Variants in RGL3 observed in about 807,000 individuals in gnomAD.
RGL3 encodes ral guanine nucleotide dissociation stimulator-like 3.
In RGL3, 85 loss-of-function variants were observed where a neutral mutation model predicts 90.6. The ratio of observed to expected loss-of-function variants is 0.94; its 90% CI spans 0.79 to 1.12. RGL3 has a LOEUF of 1.12. Among genes scored for constraint, RGL3 ranks in the 50% most tolerant of loss-of-function variants. The pLI is 0.00. For synonymous variants in RGL3, 408 were observed against 385.5 expected (o/e 1.06, Z -0.68); for missense variants, 1,034 against 939.2 (o/e 1.10, Z -1.32).
At chr19:11,395,063 A>G (rs1312401534) in intron 18 of RGL3, among the ~76,000 whole-genome samples, 1 of 151,372 alleles carries the variant, frequency 6.6e-6, no homozygotes, top group Non-Finnish European at 1.5e-5. Context: ...ATTGCACTCC[A>G]GCCTGGGCAA....
intron 5 of RGL3, among the ~76,000 whole-genome samples, chr19:11,413,158 C>G (rs903621610): frequency 6.7e-6 from 1 of 148,294 alleles, no homozygotes; most frequent in South Asian, 2.1e-4. Context: ...AGTGTGGTGG[C>G]TGAGCACTCA....
In RGL3 at chr19:11,405,176, G is replaced by A; in HGVS notation, c.1156C>T (p.His386Tyr). The A allele has an allele frequency of 6.2e-7, 1 of 1,614,002 alleles. No individual in the cohort carries two copies. The highest frequency in any genetic ancestry group is 1.3e-5 in the African/African-American group (1 of 75,040). Residue 386 changes from histidine (H) to tyrosine (Y), a missense_variant, in exon 9 of 19, where the codon CAC becomes TAC. Coordinates refer to ENST00000380456, the MANE Select transcript of RGL3 (RefSeq NM_001035223.4). ...AAAAGAATCTCTCTGCTGCTGAGGT[G>A]GTTGTTCTCATCGGAGAAAATCTGC... is the stretch of plus-strand genomic sequence containing the variant. ...LSQIFSDENN[H>Y]LSSREILFQE...
intron 16 of RGL3, among the ~76,000 whole-genome samples, chr19:11,399,640 T>A (rs1038870516): frequency 3.3e-5 from 5 of 152,028 alleles, no homozygotes; most frequent in African/African-American, 1.2e-4. Flanking sequence ...CAGGTCCAAA[T>A]CTGAGCACGA....
intron 5 of RGL3, among the ~76,000 whole-genome samples, chr19:11,412,879 T>C (rs1599441504): frequency 6.6e-6 from 1 of 151,978 alleles, no homozygotes; most frequent in East Asian, 1.9e-4. Flanking sequence ...GGCAGGAGAA[T>C]CACTTGAACC....
rs1465265066 is a variant in RGL3 at position 11,396,130 on chromosome 19, C to CTATATATA, written c.2014+1113_2014+1114insTATATATA. On this transcript the variant is annotated intron_variant, in intron 18 of 18. Transcript: ENST00000380456. ...TCTCTCTCTCTCTCTCTCTCTCTCT[C>CTATATATA]TCTCTCTATATATATATATATATAT... 3.7e-4 allele frequency among the ~76,000 whole-genome samples: 18 copies of CTATATATA among 49,228 alleles called. 1 individual carries two copies. The highest frequency in any genetic ancestry group is 6.1e-4 in the Non-Finnish European group (16 of 26,312). 32.3% of individuals were successfully genotyped at this position (49,228 alleles called of 152,430 possible).
chr19:11,394,446 G>A lies in RGL3; in HGVS notation c.2089C>T (p.Arg697Trp), dbSNP rs145696723. Residue 697 changes from arginine to tryptophan, a missense_variant, in exon 19 of 19, where the codon CGG (arginine) becomes TGG (tryptophan). Transcript: ENST00000380456. ...PVAPRDFMLR[R>W]KEGTRNTLSV... ...AGAGTGTTCCGGGTCCCCTCTTTCCGCCGCAGCATGAAGTCTCTGGGGGCG... is the reference window on the plus strand; with the variant it reads ...AGAGTGTTCCGGGTCCCCTCTTTCCACCGCAGCATGAAGTCTCTGGGGGCG... 5.3e-5 allele frequency: 86 copies of A among 1,613,832 alleles called. 1 individual carries two copies. Among genetic ancestry groups the A allele is most frequent in the African/African-American group, 1.6e-4 (12 of 74,846 alleles).
intron 18 of RGL3, among the ~76,000 whole-genome samples, chr19:11,395,929 C>T (rs75310973): frequency 0.21 from 27,429 of 133,448 alleles, 4,508 homozygotes; most frequent in African/African-American, 0.49. Flanking sequence ...GCCCGGCCCC[C>T]TTTTTTTTTT....
intron 18 of RGL3, 108 bp downstream of exon 18, chr19:11,397,136 C>T: frequency 1.2e-6 from 1 of 864,354 alleles, no homozygotes; most frequent in Non-Finnish European, 1.9e-6. Context: ...CCTGAAGCAC[C>T]TCACAGCCCT....
rs1968691611 is a variant in RGL3 at position 11,402,244 on chromosome 19, C to T, written c.1333G>A (p.Asp445Asn). 6.2e-7 allele frequency: 1 copy of T among 1,612,388 alleles called. No homozygotes were observed. The highest frequency in any genetic ancestry group is 8.5e-7 in the Non-Finnish European group (1 of 1,179,384). Residue 445 changes from aspartate (D) to asparagine (N), a missense_variant, in exon 12 of 19, where the codon GAT (aspartate) becomes AAT (asparagine). By Grantham distance (23) the Asp-to-Asn change is conservative (BLOSUM62 1). Coordinates refer to ENST00000380456, the MANE Select transcript of RGL3 (RefSeq NM_001035223.4). The stretch of plus-strand genomic sequence containing the variant: ...CTCCTCTTCTCAAAGTTAATGAGAT[C>T]CCCCTGGGGGCAAAGTGTGTCTGAA... The part of the protein sequence containing the change: ...DTALPDMLEG[D>N]LINFEKRRKE...
chr19:11,412,377 A>G (rs1032921974), intron 5 of RGL3, among the ~76,000 whole-genome samples: 1 of 152,016 alleles, frequency 6.6e-6, no homozygotes, highest in Non-Finnish European at 1.5e-5. Context: ...TTTTAAAATC[A>G]TCCTGAAAAT....
rs185245971 is a variant in RGL3, at chr19:11,396,437, C to T, written c.2014+807G>A. On this transcript the variant is annotated intron_variant, in intron 18 of 18. Coordinates refer to ENST00000380456, the MANE Select transcript of RGL3 (RefSeq NM_001035223.4). ...CACCCGCTTTGGCCTCCCAAAGTGC[C>T]GGGATTACAGGCGTTGAGCCACCGC... Among the ~76,000 whole-genome samples, 329 of 149,918 alleles carry T rather than the reference C, an allele frequency of 2.2e-3. 1 individual carries two copies. Among genetic ancestry groups the T allele is most frequent in the Non-Finnish European group, 3.8e-3 (253 of 67,366 alleles).
intron 5 of RGL3, among the ~76,000 whole-genome samples, chr19:11,409,648 A>G (rs1326879637): frequency 2.0e-5 from 3 of 152,176 alleles, no homozygotes; most frequent in African/African-American, 7.2e-5. Flanking sequence ...TTTGTTTGCA[A>G]ATTGCAAATG....
At chr19:11,403,640 CAAAA>C (rs889376839) in intron 9 of RGL3, among the ~76,000 whole-genome samples, 154 of 49,378 alleles carry the variant, frequency 3.1e-3, no homozygotes, top group African/African-American at 0.01. Flanking sequence ...AACTCCATCT[CAAAA>C]AAAAAAAAAA....
Position 11,397,253 on chromosome 19 carries a change from C to A in RGL3, c.2005G>T (p.Gly669Trp), listed in dbSNP as rs1968590181. 6.2e-7 allele frequency: 1 copy of A among 1,613,788 alleles called. No individual in the cohort carries two copies. Among genetic ancestry groups the A allele is most frequent in the African/African-American group, 1.3e-5 (1 of 74,926 alleles). Reference sequence around the variant, plus strand: ...ACCCATCCCTGCTCACCCCGGTCCCCAGGAAGGACTTGAAAGAGCTGATAG... The same window carrying A: ...ACCCATCCCTGCTCACCCCGGTCCCAAGGAAGGACTTGAAAGAGCTGATAG... ...CDYQLFQVLP[G>W]DRVLLIPDNA... Residue 669 changes from glycine to tryptophan, a missense_variant, in exon 18 of 19, where the codon GGG (glycine) becomes TGG (tryptophan). Gly to Trp is a radical substitution (Grantham distance 184). Transcript: ENST00000380456.
intron 5 of RGL3, chr19:11,411,453 A>G (rs1276318897): frequency 6.6e-6 from 1 of 151,982 alleles, no homozygotes; most frequent in Non-Finnish European, 1.5e-5. Context: ...AACTGTCAAA[A>G]GAAAATTTAG....
rs1028968994 is a variant in RGL3 at position 11,412,891 on chromosome 19, A to T, written c.637+3046T>A. On this transcript the variant is annotated intron_variant, in intron 5 of 18. Transcript: ENST00000380456. ...TGAGGCAGGAGAATCACTTGAACCC[A>T]GGAGGTGGAGGTTGCAGTAAGCCAA... 2.6e-5 allele frequency among the ~76,000 whole-genome samples: 4 copies of T among 152,198 alleles called. No individual in the cohort carries two copies. The East Asian group carries it at 7.7e-4, about 29-fold the overall frequency.
At chr19:11,411,205 T>C (rs1281023496) in intron 5 of RGL3, 6 of 97,382 alleles carry the variant, frequency 6.2e-5, no homozygotes, top group Non-Finnish European at 1.1e-4. Flanking sequence ...TGAGACTCCA[T>C]CTCAAAAAAA....
chr19:11,396,136 C>CTCTCTA (rs1367805487), intron 18 of RGL3, among the ~76,000 whole-genome samples: 5 of 17,902 alleles, frequency 2.8e-4, no homozygotes, highest in African/African-American at 7.6e-4. Flanking sequence ...CTCTCTCTCT[C>CTCTCTA]TATATATATA....
Position 11,397,511 on chromosome 19 carries a change from G to T in RGL3, c.1833C>A (p.Ser611Arg). 1 of 1,613,594 alleles carries T rather than the reference G, an allele frequency of 6.2e-7. No individual in the cohort carries two copies. The highest frequency in any genetic ancestry group is 1.7e-5 in the Admixed American group (1 of 59,988). Residue 611 changes from serine to arginine, a missense_variant, in exon 17 of 19, where the codon AGC becomes AGA. By Grantham distance (110) the Ser-to-Arg change is moderately radical (BLOSUM62 -1). Transcript: ENST00000380456. ...SPRIPLPAQQSSEARVIRVSI... is the reference protein window; with the variant it reads ...SPRIPLPAQQRSEARVIRVSI... ...TGACGCGGATGACACGGGCCTCCGAGCTCTGCTGCGCCGGGAGGGGGATTC... is the reference window on the plus strand; with the variant it reads ...TGACGCGGATGACACGGGCCTCCGATCTCTGCTGCGCCGGGAGGGGGATTC...
Sources: gnomAD v4.1 joint callset for allele counts (sites outside exome capture counted in the v4.1 genomes callset) on GRCh38, gnomAD v4.1.1 for gene constraint, MANE v1.5 for transcripts, NCBI Gene and HGNC (gene_info 2026-07-23, HGNC 2026-07-21) for gene names.